SYTL2: variants seen among roughly 807,000 people sequenced by gnomAD.
SYTL2 encodes synaptotagmin-like protein 2.
SYTL2 carries 165 observed loss-of-function variants against 198.7 expected under a neutral mutation model. The observed-to-expected ratio is 0.83, with a 90% CI of 0.73 to 0.94. The LOEUF (loss-of-function observed/expected upper bound fraction) is 0.94, where lower values mean the gene tolerates loss of function less well. SYTL2 is among the 40% of genes least tolerant of loss of function. The pLI is 0.00. For synonymous variants in SYTL2, 966 were observed against 917.7 expected (o/e 1.05, Z -0.95); for missense variants, 2,835 against 2,582.8 (o/e 1.10, Z -2.12).
At chr11:85,840,017 T>C in the SYTL2 span, among the ~76,000 whole-genome samples, 1 of 152,234 alleles carries the variant, frequency 6.6e-6, no homozygotes, top group South Asian at 2.1e-4. Flanking sequence ...TAGTTTTGAT[T>C]TGCATTTCTC....
chr11:85,808,855 C>T (rs1407226031), intron 1 of SYTL2, among the ~76,000 whole-genome samples: 1 of 147,944 alleles, frequency 6.8e-6, no homozygotes, highest in Non-Finnish European at 1.5e-5. Flanking sequence ...GTGACAACCT[C>T]ATTAATACCA....
intron 2 of SYTL2, among the ~76,000 whole-genome samples, chr11:85,752,917 TAAA>T (rs1162431708): frequency 2.8e-4 from 5 of 17,722 alleles, no homozygotes; most frequent in African/African-American, 4.1e-4. Context: ...CTGCCTTCAT[TAAA>T]AAAAAAAAAA....
the SYTL2 span, among the ~76,000 whole-genome samples, chr11:85,851,609 T>C: frequency 1.3e-5 from 2 of 152,354 alleles, no homozygotes; most frequent in African/African-American, 2.4e-5. Context: ...AAATGGTTTT[T>C]ATCTGGCTTC....
chr11:85,739,339 C>T, intron 4 of SYTL2, among the ~76,000 whole-genome samples: 1 of 147,096 alleles, frequency 6.8e-6, no homozygotes, highest in Non-Finnish European at 1.5e-5. Flanking sequence ...ATGTCTGTTT[C>T]CGCTATTCGG....
the SYTL2 span, among the ~76,000 whole-genome samples, chr11:85,846,214 GGC>G: frequency 8.5e-5 from 13 of 152,302 alleles, no homozygotes; most frequent in African/African-American, 3.1e-4. Context: ...CATGGCAGCT[GGC>G]TTCCTCTAGA....
At chr11:85,697,649 G>A (rs1165912412) in intron 18 of SYTL2, among the ~76,000 whole-genome samples, 1 of 152,174 alleles carries the variant, frequency 6.6e-6, no homozygotes. Flanking sequence ...CTCCATAAAG[G>A]AGTCAAGGGG....
At chr11:85,700,630 AC>A in intron 16 of SYTL2, 37 bp from the exon 17 acceptor site, 1 of 1,510,636 alleles carries the variant, frequency 6.6e-7, no homozygotes, top group South Asian at 1.1e-5. Flanking sequence ...TGGGAGACAA[AC>A]TTTTCATCCT....
At chr11:85,734,796 T>C (rs1436868960) in intron 6 of SYTL2, 54 bp from the exon 7 acceptor site, 1 of 1,298,472 alleles carries the variant, frequency 7.7e-7, no homozygotes, top group Admixed American at 2.3e-5. Flanking sequence ...ATATATAATT[T>C]AAAATACCTG....
the SYTL2 span, among the ~76,000 whole-genome samples, chr11:85,829,829 T>C: frequency 1.3e-5 from 2 of 152,234 alleles, no homozygotes; most frequent in Non-Finnish European, 2.9e-5. Context: ...ATGTCTTGTA[T>C]ACCGACATTT....
intron 3 of SYTL2, among the ~76,000 whole-genome samples, chr11:85,746,590 A>G (rs764107689): frequency 1.5e-4 from 23 of 152,228 alleles, no homozygotes; most frequent in Non-Finnish European, 1.0e-4. Context: ...GAATACTTTC[A>G]TCAATATTAG....
At chr11:85,759,143 G>A (rs2153555289) in intron 1 of SYTL2, among the ~76,000 whole-genome samples, 1 of 151,894 alleles carries the variant, frequency 6.6e-6, no homozygotes, top group East Asian at 1.9e-4. Flanking sequence ...CTACTCAGGA[G>A]GCTGAGGCAG....
At chr11:85,781,874 C>T (rs185710112) in intron 1 of SYTL2, among the ~76,000 whole-genome samples, 2 of 152,212 alleles carry the variant, frequency 1.3e-5, no homozygotes. Context: ...TACAGCACCC[C>T]CTCCCAACTG....
In SYTL2 at chr11:85,694,710, G is replaced by A. The variant is rs974877059; in HGVS notation, c.*485C>T. On this transcript the variant is annotated 3_prime_UTR_variant, in exon 20 of 20. Coordinates refer to ENST00000359152, the MANE Select transcript of SYTL2 (RefSeq NM_206927.4). ...ATTACAGAGTAAATAGTTTCTTAAG[G>A]TCCATTTTTTTTTTTATCATCACTG... 2.3e-5 allele frequency: 2 copies of A among 87,608 alleles called. No homozygotes were observed. Among genetic ancestry groups the A allele is most frequent in the Non-Finnish European group, 5.0e-5 (2 of 39,874 alleles). 5.4% of individuals were successfully genotyped at this position (87,608 alleles called of 1,614,324 possible).
the SYTL2 span, among the ~76,000 whole-genome samples, chr11:85,822,316 C>T: frequency 2.7e-4 from 41 of 152,308 alleles, no homozygotes; most frequent in African/African-American, 9.6e-4. Context: ...CCACCCCTTG[C>T]AGCAAGGTAC....
intron 1 of SYTL2, among the ~76,000 whole-genome samples, chr11:85,789,375 TATG>T (rs2092695354): frequency 3.7e-5 from 2 of 54,126 alleles, no homozygotes; most frequent in Non-Finnish European, 6.6e-5. Context: ...TATATATATA[TATG>T]TATATATATA....
intron 1 of SYTL2, among the ~76,000 whole-genome samples, chr11:85,767,525 C>A (rs572968527): frequency 2.1e-4 from 32 of 152,246 alleles, no homozygotes; most frequent in African/African-American, 7.2e-4. Flanking sequence ...GTTAACTGAA[C>A]TGTAGCCATC....
chr11:85,790,742 G>T (rs905361856), intron 1 of SYTL2, among the ~76,000 whole-genome samples: 2 of 152,128 alleles, frequency 1.3e-5, no homozygotes, highest in Admixed American at 6.5e-5. Flanking sequence ...GTGCTGGCAG[G>T]TCCTCCCAGA....
chr11:85,726,344 G>C lies in SYTL2; in HGVS notation c.3014C>G (p.Thr1005Ser), dbSNP rs2089171897. ...TGCAGAATTTTTTTGGCTTGTGGTG[G>C]TAATATTCTTGTCATTATCCTTACT... Reference protein sequence around the residue: ...SNSKDNDKNITTTSQKNSAPF... With the variant: ...SNSKDNDKNISTTSQKNSAPF... Residue 1005 changes from threonine (T) to serine (S), a missense_variant, in exon 8 of 20, where the codon ACC becomes AGC. Thr to Ser is a moderately conservative substitution (Grantham distance 58). This residue lies in a region of SYTL2 where 2,645 missense variants were observed against 2,381.7 expected (regional missense o/e 1.11). Transcript: ENST00000359152. The C allele has an allele frequency of 6.2e-7, 1 of 1,613,878 alleles. No individual in the cohort carries two copies. Among genetic ancestry groups the C allele is most frequent in the Non-Finnish European group, 8.5e-7 (1 of 1,180,012 alleles).
At chr11:85,749,981 G>T (rs369964817) in intron 2 of SYTL2, among the ~76,000 whole-genome samples, 2 of 152,128 alleles carry the variant, frequency 1.3e-5, no homozygotes, top group Non-Finnish European at 2.9e-5. Flanking sequence ...ACCTAAAAAG[G>T]CTTCAGGTTA....
Sources: allele counts gnomAD v4.1 joint callset (sites outside exome capture counted in the v4.1 genomes callset), GRCh38; gene constraint gnomAD v4.1.1; regional missense constraint gnomAD v4.1.1; transcripts MANE v1.5; gene names NCBI Gene and HGNC (gene_info 2026-07-23, HGNC 2026-07-21).